Variants in SMCHD1 observed in about 807,000 individuals in gnomAD.
SMCHD1 encodes structural maintenance of chromosomes flexible hinge domain containing 1.
Under a neutral mutation model 254.7 loss-of-function variants are expected in SMCHD1, and 78 were observed. The observed-to-expected ratio is 0.31, with a 90% CI of 0.26 to 0.37. SMCHD1 has a LOEUF of 0.37. Among genes scored for constraint, SMCHD1 ranks in the 10% least tolerant of loss-of-function variants. The probability of loss-of-function intolerance (pLI) is 1.00; values close to 1 mark genes in which losing one functional copy is unlikely to be tolerated. For missense variants in SMCHD1, 1,840 were observed against 2,408.1 expected, an observed-to-expected ratio of 0.76 and a Z score of 4.94; for synonymous variants, 766 against 794.9, an observed-to-expected ratio of 0.96 and a Z score of 0.61.
chr18:2,709,429 G>T (rs935412217), intron 17 of SMCHD1, among the ~76,000 whole-genome samples: 5 of 151,994 alleles, frequency 3.3e-5, no homozygotes, highest in African/African-American at 1.2e-4. Flanking sequence ...TGGACTTGCT[G>T]GGTCATATTA....
At chr18:2,728,074 A>G (rs1303813546) in intron 22 of SMCHD1, among the ~76,000 whole-genome samples, 3 of 152,076 alleles carry the variant, frequency 2.0e-5, no homozygotes, top group Non-Finnish European at 4.4e-5. Context: ...TAAAACATAT[A>G]GTTACTTGTG....
intron 17 of SMCHD1, among the ~76,000 whole-genome samples, chr18:2,714,805 A>C (rs2074760483): frequency 6.6e-6 from 1 of 152,102 alleles, no homozygotes; most frequent in South Asian, 2.1e-4. Flanking sequence ...CCATTTATGA[A>C]GCTTGTTCTA....
chr18:2,723,663 T>C (rs2074971221), intron 20 of SMCHD1, among the ~76,000 whole-genome samples: 1 of 152,172 alleles, frequency 6.6e-6, no homozygotes, highest in Non-Finnish European at 1.5e-5. Flanking sequence ...TTCTCTTCTT[T>C]TTAGTATTTC....
chr18:2,727,851 A>G (rs1358339848), intron 22 of SMCHD1, among the ~76,000 whole-genome samples: 1 of 152,116 alleles, frequency 6.6e-6, no homozygotes, highest in Non-Finnish European at 1.5e-5. Flanking sequence ...AATTCTCTCC[A>G]TATACTTGTT....
rs1161554515 is a variant in SMCHD1 at position 2,694,516 on chromosome 18, C to T, written c.874-11C>T. On this transcript the variant is annotated splice_polypyrimidine_tract_variant and intron_variant, in intron 7 of 47. Coordinates refer to ENST00000320876, the MANE Select transcript of SMCHD1 (RefSeq NM_015295.3). The stretch of plus-strand genomic sequence containing the variant: ...TGATTTAATCTGTTGTATTTCTGTT[C>T]ACTCTTGTAGCCCTCTGATTCTGTT... 1.9e-6 allele frequency: 3 copies of T among 1,541,326 alleles called. No individual in the cohort carries two copies. Among genetic ancestry groups the T allele is most frequent in the Non-Finnish European group, 2.6e-6 (3 of 1,139,392 alleles).
At chr18:2,801,147 G>A (rs1222575214) in intron 47 of SMCHD1, 1 of 152,188 alleles carries the variant, frequency 6.6e-6, no homozygotes, top group African/African-American at 2.4e-5. Flanking sequence ...CTATCATGTG[G>A]AAGAGGATTT....
chr18:2,776,574 G>C (rs1414819491), intron 42 of SMCHD1, among the ~76,000 whole-genome samples: 3 of 152,090 alleles, frequency 2.0e-5, no homozygotes, highest in African/African-American at 7.2e-5. Flanking sequence ...AAGACAGGAA[G>C]GAAATACTAA....
chr18:2,728,105 G>A (rs12454858), intron 22 of SMCHD1, among the ~76,000 whole-genome samples: 80,931 of 151,828 alleles, frequency 0.53, 22,164 homozygotes, highest in East Asian at 0.81. Flanking sequence ...CATCAGGTAA[G>A]ATTGGTAAAT....
rs1483563613 is a variant in SMCHD1 at position 2,801,951 on chromosome 18, A to G, written c.5994-577A>G. Among the ~76,000 whole-genome samples, 3 of 152,260 alleles carry G rather than the reference A, an allele frequency of 2.0e-5. No individual in the cohort carries two copies. The East Asian group carries it at 5.8e-4, about 29-fold the overall frequency. On this transcript the variant is annotated intron_variant, in intron 47 of 47. Transcript: ENST00000320876. ...TTGAATAGAGGCTTCAGTTTTCTAAATAATTTTCCACTTATAAAGATTAAA... is the reference window on the plus strand; with the variant it reads ...TTGAATAGAGGCTTCAGTTTTCTAAGTAATTTTCCACTTATAAAGATTAAA...
In SMCHD1 at chr18:2,759,767, G is replaced by A. The variant is rs187287419; in HGVS notation, c.4347-885G>A. On this transcript the variant is annotated intron_variant, in intron 34 of 47. Coordinates refer to ENST00000320876, the MANE Select transcript of SMCHD1 (RefSeq NM_015295.3). Reference sequence around the variant, plus strand: ...ATATTAATAGTAGAGATGGGGTTTCGCCATGTTGGCCAGGCTGGTCTTGAA... The same window carrying A: ...ATATTAATAGTAGAGATGGGGTTTCACCATGTTGGCCAGGCTGGTCTTGAA... 9.9e-5 allele frequency among the ~76,000 whole-genome samples: 15 copies of A among 151,526 alleles called. No individual in the cohort carries two copies. The Middle Eastern group carries it at 0.01, about 103-fold the overall frequency.
intron 17 of SMCHD1, among the ~76,000 whole-genome samples, chr18:2,710,319 G>A (rs1306242519): frequency 6.6e-6 from 1 of 152,192 alleles, no homozygotes; most frequent in Non-Finnish European, 1.5e-5. Flanking sequence ...AAATGAGGAG[G>A]TGTGAGTCCT....
chr18:2,712,955 T>A (rs1346093474), intron 17 of SMCHD1, among the ~76,000 whole-genome samples: 1 of 152,206 alleles, frequency 6.6e-6, no homozygotes, highest in African/African-American at 2.4e-5. Context: ...CCACAACTGT[T>A]TTCTTTTGGT....
chr18:2,761,750 G>A (rs11664869), intron 35 of SMCHD1, among the ~76,000 whole-genome samples: 45,382 of 151,996 alleles, frequency 0.3, 6,982 homozygotes, highest in East Asian at 0.5. Context: ...CCCAGGAGGC[G>A]GAGGTTGCAG....
At chr18:2,686,380 A>C (rs2074052669) in intron 5 of SMCHD1, among the ~76,000 whole-genome samples, 2 of 152,200 alleles carry the variant, frequency 1.3e-5, no homozygotes, top group South Asian at 4.1e-4. Flanking sequence ...AGAAATCAGA[A>C]ATCTGAAATA....
chr18:2,747,992 T>G (rs2075488358), intron 30 of SMCHD1, among the ~76,000 whole-genome samples: 1 of 152,146 alleles, frequency 6.6e-6, no homozygotes, highest in Non-Finnish European at 1.5e-5. Flanking sequence ...CAGAATGGAT[T>G]AAGGAACAGG....
chr18:2,684,322 A>T (rs1480166365), intron 5 of SMCHD1, among the ~76,000 whole-genome samples: 9 of 152,214 alleles, frequency 5.9e-5, no homozygotes, highest in Non-Finnish European at 1.2e-4. Context: ...AAATGTAATA[A>T]TACAAAGAGT....
chr18:2,689,648 C>T (rs998686959), intron 7 of SMCHD1, among the ~76,000 whole-genome samples: 2 of 151,920 alleles, frequency 1.3e-5, no homozygotes, highest in African/African-American at 2.4e-5. Context: ...ACAGCAGCCT[C>T]GAACTCCTGG....
intron 3 of SMCHD1, among the ~76,000 whole-genome samples, chr18:2,668,465 A>G (rs2073498800): frequency 6.6e-6 from 1 of 152,334 alleles, no homozygotes; most frequent in African/African-American, 2.4e-5. Context: ...GACTTGCTAC[A>G]CTACTAGTGA....
chr18:2,661,032 C>T (rs964878982), intron 1 of SMCHD1, among the ~76,000 whole-genome samples: 1 of 152,062 alleles, frequency 6.6e-6, no homozygotes, highest in Non-Finnish European at 1.5e-5. Flanking sequence ...TTTGCAGGGA[C>T]GTGGATGAAG....
Sources: gnomAD v4.1 joint callset for allele counts (sites outside exome capture counted in the v4.1 genomes callset) on GRCh38, gnomAD v4.1.1 for gene constraint, MANE v1.5 for transcripts, NCBI Gene and HGNC (gene_info 2026-07-23, HGNC 2026-07-21) for gene names.